The following CADM2 variants were observed in gnomAD, a reference collection of about 807,000 sequenced individuals.
CADM2 encodes immunoglobulin superfamily member 4D.
In CADM2, 12 loss-of-function variants were observed where a neutral mutation model predicts 49.8. The observed-to-expected ratio is 0.24, with a 90% confidence interval of 0.15 to 0.39. CADM2 has a LOEUF of 0.39. CADM2 is among the 10% of genes least tolerant of loss of function. The probability of loss-of-function intolerance (pLI) is 1.00; values close to 1 mark genes in which losing one functional copy is unlikely to be tolerated. For synonymous variants in CADM2, 214 were observed against 175.4 expected (o/e 1.22, Z -1.74); for missense variants, 378 against 492.3 (o/e 0.77, Z 2.20).
intron 1 of CADM2, among the ~76,000 whole-genome samples, chr3:85,418,785 G>A (rs1487530157): frequency 6.6e-6 from 1 of 152,020 alleles, no homozygotes; most frequent in African/African-American, 2.4e-5. Context: ...TTTGCAATGG[G>A]AGCTGGGTAT....
chr3:85,737,983 G>A (rs1048803282), intron 2 of CADM2, among the ~76,000 whole-genome samples: 1 of 152,120 alleles, frequency 6.6e-6, no homozygotes. Context: ...CATCTGATGG[G>A]CACTGAGTTC....
At chr3:85,767,493 T>A (rs1463410228) in intron 2 of CADM2, among the ~76,000 whole-genome samples, 5 of 152,184 alleles carry the variant, frequency 3.3e-5, no homozygotes, top group Non-Finnish European at 5.9e-5. Flanking sequence ...AGTAGTCACT[T>A]ACTAGTGCAA....
chr3:85,231,233 T>C (rs181687178), intron 1 of CADM2, among the ~76,000 whole-genome samples: 1 of 152,264 alleles, frequency 6.6e-6, no homozygotes, highest in East Asian at 1.9e-4. Flanking sequence ...ACTGAGACAA[T>C]TTTTTTCATT....
chr3:86,053,530 A>G (rs902656596), intron 8 of CADM2, among the ~76,000 whole-genome samples: 2 of 152,128 alleles, frequency 1.3e-5, no homozygotes, highest in Admixed American at 6.6e-5. Context: ...TCAGGAAAGG[A>G]ATCTTCTCTG....
chr3:85,683,932 A>T (rs976456534), intron 1 of CADM2, among the ~76,000 whole-genome samples: 1 of 152,146 alleles, frequency 6.6e-6, no homozygotes, highest in Non-Finnish European at 1.5e-5. Flanking sequence ...TCAAATTGTG[A>T]TGCCTCTGTG....
intron 1 of CADM2, among the ~76,000 whole-genome samples, chr3:85,587,973 C>T (rs2062990654): frequency 6.6e-6 from 1 of 151,988 alleles, no homozygotes; most frequent in African/African-American, 2.4e-5. Flanking sequence ...TGCCATGTTG[C>T]CCAAGCTGGT....
chr3:85,927,257 ATTAC>A (rs1231615214), intron 6 of CADM2, among the ~76,000 whole-genome samples: 2 of 152,232 alleles, frequency 1.3e-5, no homozygotes, highest in Non-Finnish European at 2.9e-5. Flanking sequence ...TTACTCAACA[ATTAC>A]TTAATTGAGG....
intron 2 of CADM2, among the ~76,000 whole-genome samples, chr3:85,729,567 G>A (rs143006030): frequency 6.2e-4 from 94 of 152,226 alleles, no homozygotes; most frequent in East Asian, 5.4e-3. Context: ...TACTCTTCAC[G>A]CGTAAATTTT....
At chr3:85,177,912 A>G (rs901488857) in intron 1 of CADM2, among the ~76,000 whole-genome samples, 5 of 151,964 alleles carry the variant, frequency 3.3e-5, no homozygotes, top group Non-Finnish European at 7.4e-5. Flanking sequence ...GGGAGAAAAA[A>G]GGCGGATAAT....
chr3:85,521,229 G>C (rs764403472), intron 1 of CADM2, among the ~76,000 whole-genome samples: 1 of 152,048 alleles, frequency 6.6e-6, no homozygotes, highest in Non-Finnish European at 1.5e-5. Flanking sequence ...TCTCACCTCA[G>C]CTTTGGATGT....
chr3:85,769,529 G>A (rs1394609253), intron 2 of CADM2, among the ~76,000 whole-genome samples: 4 of 94,380 alleles, frequency 4.2e-5, no homozygotes, highest in African/African-American at 2.5e-4. Flanking sequence ...ATACATATAT[G>A]TATATATACA....
chr3:85,307,942 GAAA>G (rs59683458), intron 1 of CADM2, among the ~76,000 whole-genome samples: 1 of 127,276 alleles, frequency 7.9e-6, no homozygotes, highest in African/African-American at 2.7e-5. Context: ...AGAAAAATTA[GAAA>G]AAAAAAAAAA....
At chr3:85,117,356 A>G (rs1420379959) in intron 1 of CADM2, among the ~76,000 whole-genome samples, 9 of 152,172 alleles carry the variant, frequency 5.9e-5, no homozygotes. Flanking sequence ...CCTAAGGAAT[A>G]TTATCTATTT....
intron 1 of CADM2, among the ~76,000 whole-genome samples, chr3:85,450,878 A>G (rs2037719537): frequency 6.6e-6 from 1 of 152,080 alleles, no homozygotes; most frequent in Non-Finnish European, 1.5e-5. Context: ...CTAGTTTTGA[A>G]TTCGGCCTAG....
intron 1 of CADM2, among the ~76,000 whole-genome samples, chr3:85,471,145 G>A (rs367909994): frequency 6.6e-6 from 1 of 152,088 alleles, no homozygotes; most frequent in African/African-American, 2.4e-5. Flanking sequence ...CTAAAAGTGA[G>A]CATTCCAAGA....
chr3:85,666,913 C>A (rs2065587402), intron 1 of CADM2, among the ~76,000 whole-genome samples: 1 of 151,906 alleles, frequency 6.6e-6, no homozygotes, highest in Non-Finnish European at 1.5e-5. Context: ...TCCAAGCTAC[C>A]CTGTACATAT....
At chr3:85,248,756 A>G (rs915652308) in intron 1 of CADM2, among the ~76,000 whole-genome samples, 9 of 152,202 alleles carry the variant, frequency 5.9e-5, no homozygotes, top group African/African-American at 1.9e-4. Context: ...TAATAGAAGG[A>G]ATAGCCTGAG....
At chr3:85,279,234 CA>C (rs758888544) in intron 1 of CADM2, among the ~76,000 whole-genome samples, 3 of 151,556 alleles carry the variant, frequency 2.0e-5, no homozygotes, top group Non-Finnish European at 4.4e-5. Flanking sequence ...AGCCTAAATA[CA>C]TGGATAATCT....
chr3:85,845,155 C>CAAAAA (rs71112121), intron 3 of CADM2, among the ~76,000 whole-genome samples: 10 of 88,006 alleles, frequency 1.1e-4, no homozygotes, highest in Non-Finnish European at 1.3e-4. Context: ...GACTTAGTCA[C>CAAAAA]AAAAAAAAAA....
Sources: allele counts gnomAD v4.1 joint callset (sites outside exome capture counted in the v4.1 genomes callset), GRCh38; gene constraint gnomAD v4.1.1; transcripts MANE v1.5; gene names NCBI Gene and HGNC (gene_info 2026-07-23, HGNC 2026-07-21).